Variants in SNTB1 observed in about 807,000 individuals in gnomAD.
The protein encoded by SNTB1 is syntrophin beta 1, also known as beta-1-syntrophin.
SNTB1 carries 36 observed loss-of-function variants against 48.9 expected under a neutral mutation model. The ratio of observed to expected loss-of-function variants is 0.74; its 90% CI spans 0.56 to 0.97. The LOEUF is 0.97. Among genes scored for constraint, SNTB1 ranks in the 50% least tolerant of loss-of-function variants. The probability of loss-of-function intolerance (pLI) is 0.00; values close to 1 mark genes in which losing one functional copy is unlikely to be tolerated. For missense variants in SNTB1, 786 were observed against 703.4 expected (o/e 1.12, Z -1.33); for synonymous variants, 299 against 294.6 (o/e 1.01, Z -0.15).
chr8:120,809,825 C>T (rs1477154131), intron 1 of SNTB1, among the ~76,000 whole-genome samples: 1 of 152,148 alleles, frequency 6.6e-6, no homozygotes, highest in Admixed American at 6.5e-5. Context: ...TGGCAATTGA[C>T]TATGAAGACA....
intron 1 of SNTB1, among the ~76,000 whole-genome samples, chr8:120,695,432 G>A (rs942935578): frequency 3.9e-5 from 6 of 152,148 alleles, no homozygotes; most frequent in African/African-American, 1.4e-4. Flanking sequence ...ACAACTCATA[G>A]CTGCCCCACA....
intron 3 of SNTB1, among the ~76,000 whole-genome samples, chr8:120,602,636 T>A (rs1816438907): frequency 6.6e-6 from 1 of 152,198 alleles, no homozygotes; most frequent in Admixed American, 6.5e-5. Flanking sequence ...TTTCTATGTA[T>A]CTATCTAGAT....
chr8:120,661,877 G>A (rs924126136), intron 2 of SNTB1, among the ~76,000 whole-genome samples: 18 of 152,204 alleles, frequency 1.2e-4, no homozygotes, highest in Non-Finnish European at 2.1e-4. Context: ...CTAAGTTTAT[G>A]TATGTTCAGA....
rs367659250 is a variant in SNTB1 at position 120,811,774 on chromosome 8, C to G, written c.70G>C (p.Gly24Arg). The change falls in exon 1 of 7, where the codon GGG (glycine) becomes CGG (arginine). Residue 24 changes from glycine (G) to arginine (R), a missense_variant. Gly to Arg is a moderately radical substitution (Grantham distance 125). Transcript: ENST00000517992. ...GAGGGRAQRS[G>R]LLEVLVRDRW... ...TCCCGCACCAAAACTTCCAGCAGCC[C>G]GCTCCGCTGCGCCCGGCCGCCTCCC... 2.5e-5 allele frequency: 37 copies of G among 1,497,294 alleles called. No individual in the cohort carries two copies. The highest frequency in any genetic ancestry group is 3.2e-5 in the Non-Finnish European group (36 of 1,125,656). The allele number at this position is 1,497,294 out of a possible 1,614,324, so 92.8% of individuals were successfully genotyped here.
intron 1 of SNTB1, among the ~76,000 whole-genome samples, chr8:120,718,669 G>T (rs1384647227): frequency 6.6e-6 from 1 of 152,172 alleles, no homozygotes; most frequent in Non-Finnish European, 1.5e-5. Flanking sequence ...AGGGAAATAA[G>T]GACTTGGGGT....
intron 2 of SNTB1, among the ~76,000 whole-genome samples, chr8:120,670,063 A>T (rs534163925): frequency 1.4e-4 from 21 of 152,356 alleles, no homozygotes; most frequent in African/African-American, 4.8e-4. Context: ...GTATAGGTCT[A>T]GCTTTCTTGT....
intron 1 of SNTB1, among the ~76,000 whole-genome samples, chr8:120,702,525 T>C (rs192885956): frequency 5.9e-5 from 9 of 152,258 alleles, no homozygotes; most frequent in Non-Finnish European, 2.9e-5. Flanking sequence ...GGGTAAGACC[T>C]CCTTTTCAAA....
At chr8:120,541,087 T>C (rs1174304582) in intron 6 of SNTB1, 1 of 152,216 alleles carries the variant, frequency 6.6e-6, no homozygotes, top group East Asian at 1.9e-4. Flanking sequence ...TGACACTTGC[T>C]AGAGAGCATA....
chr8:120,804,127 G>A (rs1369282123), intron 1 of SNTB1, among the ~76,000 whole-genome samples: 1 of 152,056 alleles, frequency 6.6e-6, no homozygotes, highest in African/African-American at 2.4e-5. Context: ...GGTGGATGAT[G>A]TGAGTCATAA....
At chr8:120,572,373 G>A (rs1473550137) in intron 4 of SNTB1, among the ~76,000 whole-genome samples, 2 of 152,170 alleles carry the variant, frequency 1.3e-5, no homozygotes. Context: ...TGCCAGGAAG[G>A]ACACAAATAT....
intron 1 of SNTB1, among the ~76,000 whole-genome samples, chr8:120,783,965 T>A (rs1819873797): frequency 6.6e-6 from 1 of 152,274 alleles, no homozygotes. Context: ...TGTGTGTAGG[T>A]TACATGCAAA....
intron 4 of SNTB1, among the ~76,000 whole-genome samples, chr8:120,557,425 A>G (rs1185033335): frequency 1.3e-5 from 2 of 152,180 alleles, no homozygotes; most frequent in Admixed American, 1.3e-4. Context: ...GAGGTTGCCT[A>G]AGCTGGCAGC....
intron 1 of SNTB1, among the ~76,000 whole-genome samples, chr8:120,699,792 G>T (rs536598209): frequency 6.6e-6 from 1 of 152,210 alleles, no homozygotes; most frequent in East Asian, 1.9e-4. Context: ...GTAGGGAGAG[G>T]TGGCTATTAC....
intron 2 of SNTB1, among the ~76,000 whole-genome samples, chr8:120,650,361 G>T (rs143473615): frequency 2.7e-4 from 41 of 152,266 alleles, no homozygotes; most frequent in African/African-American, 9.4e-4. Context: ...GCTAAGAATT[G>T]TTGGGCTGAT....
rs1377937229 is a variant in SNTB1 at position 120,632,667 on chromosome 8, G to C, written c.789-16C>G. On this transcript the variant is annotated splice_polypyrimidine_tract_variant and intron_variant, in intron 2 of 6. Coordinates refer to ENST00000517992, the MANE Select transcript of SNTB1 (RefSeq NM_021021.4). ...TTCAAGCTGCCTAGAGGAGCACAGA[G>C]AGAAGGGTTAGAAAGTTTCCTGGCA... 6.2e-7 allele frequency: 1 copy of C among 1,612,676 alleles called. No individual in the cohort carries two copies. The highest frequency in any genetic ancestry group is 8.5e-7 in the Non-Finnish European group (1 of 1,178,996).
intron 4 of SNTB1, among the ~76,000 whole-genome samples, chr8:120,554,355 T>C (rs1258725857): frequency 1.3e-5 from 2 of 151,990 alleles, no homozygotes; most frequent in African/African-American, 4.8e-5. Context: ...AATAAGTGAG[T>C]TGGAAAATGA....
chr8:120,700,939 GA>G (rs1818300223), intron 1 of SNTB1, among the ~76,000 whole-genome samples: 2 of 152,122 alleles, frequency 1.3e-5, no homozygotes, highest in Admixed American at 6.5e-5. Context: ...TTACAGGAAG[GA>G]AAAAAAATTC....
At chr8:120,777,735 C>A (rs538938166) in intron 1 of SNTB1, among the ~76,000 whole-genome samples, 9 of 152,292 alleles carry the variant, frequency 5.9e-5, no homozygotes, top group African/African-American at 2.2e-4. Context: ...GGTTAAATCC[C>A]AGGAGAAATA....
intron 3 of SNTB1, among the ~76,000 whole-genome samples, chr8:120,603,652 TTGAAACAACAC>T (rs956731245): frequency 5.3e-5 from 8 of 152,130 alleles, no homozygotes; most frequent in Non-Finnish European, 2.9e-5. Context: ...CATGCGAAAG[TTGAAACAACAC>T]TGATCTGTAG....
Sources: allele counts gnomAD v4.1 joint callset (sites outside exome capture counted in the v4.1 genomes callset), GRCh38; gene constraint gnomAD v4.1.1; transcripts MANE v1.5; gene names NCBI Gene and HGNC (gene_info 2026-07-23, HGNC 2026-07-21).